CDH16: variants seen among roughly 807,000 people sequenced by gnomAD.
CDH16 encodes the protein cadherin 16, also known as cadherin-16.
CDH16 carries 79 observed loss-of-function variants against 87.6 expected under a neutral mutation model. That is an observed-to-expected ratio of 0.90 (90% CI 0.75 to 1.09). The LOEUF is 1.09. Among genes scored for constraint, CDH16 ranks in the 50% least tolerant of loss-of-function variants. CDH16 has a pLI of 0.00. For missense variants in CDH16, 1,124 were observed against 1,071.7 expected, an observed-to-expected ratio of 1.05 and a Z score of -0.68; for synonymous variants, 457 against 439.5, an observed-to-expected ratio of 1.04 and a Z score of -0.50.
intron 7 of CDH16, among the ~76,000 whole-genome samples, chr16:66,913,848 T>C (rs1184374044): frequency 6.6e-6 from 1 of 152,154 alleles, no homozygotes; most frequent in Admixed American, 6.5e-5. Flanking sequence ...GTTACTTTAT[T>C]TTCTGCCCTC....
chr16:66,912,935 G>A (rs1187494458), intron 9 of CDH16, 44 bp from the exon 10 acceptor site: 2 of 1,556,488 alleles, frequency 1.3e-6, no homozygotes, highest in Middle Eastern at 1.7e-4. Flanking sequence ...AGCCCAGCCT[G>A]GAGACCTTAC....
In CDH16 at chr16:66,909,920, G is replaced by T; in HGVS notation, c.2275+66C>A. 2 of 1,187,568 alleles carry T rather than the reference G, an allele frequency of 1.7e-6. No individual in the cohort carries two copies. The highest frequency in any genetic ancestry group is 2.4e-6 in the Non-Finnish European group (2 of 818,198). The allele number at this position is 1,187,568 out of a possible 1,614,324, so 73.6% of individuals were successfully genotyped here. On this transcript the variant is annotated intron_variant, in intron 16 of 17. Transcript: ENST00000299752. This position sits in a 1 kb window ranked among gnomAD's most constrained non-coding sequence, Gnocchi z 4.1. ...GAGCAGCCTGTATGCATGTGTACCA[G>T]CTCCCTCCCCTTGCATCCCAGCGGT...
rs368341038 is a variant in CDH16 at position 66,913,618 on chromosome 16, G to C, written c.781-5C>G. On this transcript the variant is annotated splice_polypyrimidine_tract_variant and splice_region_variant and intron_variant, in intron 7 of 17. Coordinates refer to ENST00000299752, the MANE Select transcript of CDH16 (RefSeq NM_004062.4). ...ATCACCCCCACTCCAGTGTACCTGG[G>C]GGGGACACCCCGGGCCAAGGGGCAG... 18 of 1,613,706 alleles carry C rather than the reference G, an allele frequency of 1.1e-5. No individual in the cohort carries two copies. The South Asian group carries it at 1.5e-4, about 14-fold the overall frequency.
In CDH16 at chr16:66,913,284, G is replaced by T; in HGVS notation, c.904-3C>A. 6.4e-7 allele frequency: 1 copy of T among 1,551,270 alleles called. No individual in the cohort carries two copies. Among genetic ancestry groups the T allele is most frequent in the South Asian group, 1.2e-5 (1 of 80,270 alleles). The stretch of plus-strand genomic sequence containing the variant: ...TGAGCCCGCACCTGGAGCAGGTACT[G>T]CGGTGGGCAGTAGGGGGCTTCAGGT... On this transcript the variant is annotated splice_polypyrimidine_tract_variant and splice_region_variant and intron_variant, in intron 8 of 17. Coordinates refer to ENST00000299752, the MANE Select transcript of CDH16 (RefSeq NM_004062.4).
At chr16:66,910,757 A>T (rs1226296795) in intron 14 of CDH16, 1 of 409,878 alleles carries the variant, frequency 2.4e-6, no homozygotes, top group East Asian at 3.8e-5. Flanking sequence ...GGGGCTCCCC[A>T]CCCCAGGGCC....
chr16:66,913,335 G>T lies in CDH16; in HGVS notation c.904-54C>A, dbSNP rs1962520614. ...CAGGACCAAGGGCAGCTCCAGCCTTGCCTGGCTCTGAGTTTCCTTCCGGTG... is the reference window on the plus strand; with the variant it reads ...CAGGACCAAGGGCAGCTCCAGCCTTTCCTGGCTCTGAGTTTCCTTCCGGTG... On this transcript the variant is annotated intron_variant, in intron 8 of 17. Coordinates refer to ENST00000299752, the MANE Select transcript of CDH16 (RefSeq NM_004062.4). The T allele has an allele frequency of 2.6e-6, 4 of 1,549,854 alleles. No individual in the cohort carries two copies. In the Admixed American group the frequency reaches 7.6e-5, roughly 29 times the overall value.
In CDH16 at chr16:66,918,807, C is replaced by A; in HGVS notation, c.-17G>T. 6.5e-6 allele frequency: 1 copy of A among 153,110 alleles called. No individual in the cohort carries two copies. 9.5% of individuals were successfully genotyped at this position (153,110 alleles called of 1,614,324 possible). On this transcript the variant is annotated 5_prime_UTR_variant, in exon 1 of 18. Coordinates refer to ENST00000299752, the MANE Select transcript of CDH16 (RefSeq NM_004062.4). Reference sequence around the variant, plus strand: ...CCCTCCACTCCCAGCCCCTCACCCTCCAGCGCCCAAGACTGGCTCCCTTGG... The same window carrying A: ...CCCTCCACTCCCAGCCCCTCACCCTACAGCGCCCAAGACTGGCTCCCTTGG...
Position 66,912,750 on chromosome 16 carries a change from C to T in CDH16, c.1196G>A (p.Ser399Asn). Reference sequence around the variant, plus strand: ...GAGTGGGAGCACCCCCAGCGTCACACTGCCTGAAGTGGGGTCCACCTGGAA... The same window carrying T: ...GAGTGGGAGCACCCCCAGCGTCACATTGCCTGAAGTGGGGTCCACCTGGAA... ...RAFQVDPTSG[S>N]VTLGVLPLRA... The change falls in exon 10 of 18, where the codon AGT becomes AAT. Residue 399 changes from serine to asparagine, a missense_variant. Coordinates refer to ENST00000299752, the MANE Select transcript of CDH16 (RefSeq NM_004062.4). 1 of 1,613,828 alleles carries T rather than the reference C, an allele frequency of 6.2e-7. No individual in the cohort carries two copies. The highest frequency in any genetic ancestry group is 8.5e-7 in the Non-Finnish European group (1 of 1,180,038).
rs2145441751 is a variant in CDH16, at chr16:66,908,476, G to A, written c.2406C>T (p.Ile802=). 2 of 1,613,980 alleles carry A rather than the reference G, an allele frequency of 1.2e-6. No homozygotes were observed. Among genetic ancestry groups the A allele is most frequent in the Non-Finnish European group, 1.7e-6 (2 of 1,179,868 alleles). The change falls in exon 18 of 18, where the codon ATC becomes ATT. Residue 802 remains isoleucine, a synonymous_variant. Coordinates refer to ENST00000299752, the MANE Select transcript of CDH16 (RefSeq NM_004062.4). ...ACATGGTCCAGTGGGTGAAAATGAGGATGAGGAAGATTCCTGTGGGGCCCA... is the reference window on the plus strand; with the variant it reads ...ACATGGTCCAGTGGGTGAAAATGAGAATGAGGAAGATTCCTGTGGGGCCCA... ...GTLVAIGIFL[I]LIFTHWTMSR...
chr16:66,914,529 C>G (rs984294602), intron 6 of CDH16, 117 bp from the exon 7 acceptor site: 2 of 722,518 alleles, frequency 2.8e-6, no homozygotes, highest in Middle Eastern at 3.9e-4. Flanking sequence ...GGGACACTCT[C>G]TTGGCCAAGG....
At chr16:66,911,158 G>T (rs375285751) in intron 14 of CDH16, 24 bp downstream of exon 14, 3 of 1,594,886 alleles carry the variant, frequency 1.9e-6, no homozygotes, top group African/African-American at 2.7e-5. Context: ...CCTCCCAGGG[G>T]CTCCCATCAC....
intron 12 of CDH16, 35 bp downstream of exon 12, chr16:66,912,207 G>A (rs1962454092): frequency 1.3e-6 from 2 of 1,599,878 alleles, no homozygotes; most frequent in South Asian, 2.2e-5. Context: ...ATGCGTGCAT[G>A]TGTGGGCCCC....
In CDH16 at chr16:66,916,581, T is replaced by A. The variant is rs1191749019; in HGVS notation, c.130-152A>T. 2 of 853,268 alleles carry A rather than the reference T, an allele frequency of 2.3e-6. No individual in the cohort carries two copies. Among genetic ancestry groups the A allele is most frequent in the Non-Finnish European group, 3.5e-6 (2 of 575,692 alleles). 52.9% of individuals were successfully genotyped at this position (853,268 alleles called of 1,614,324 possible). A position where few individuals can be genotyped will look rare whatever the true frequency, so the allele number is the denominator to read the frequency against. ...TCACACAGCCAGTAAGCATCAGGAC[T>A]GAGACTCAGAGCCAGAACTCTTTTC... On this transcript the variant is annotated intron_variant, in intron 3 of 17. Coordinates refer to ENST00000299752, the MANE Select transcript of CDH16 (RefSeq NM_004062.4). This position sits in a 1 kb window ranked among gnomAD's most constrained non-coding sequence, Gnocchi z 4.1.
rs201143983 is a variant in CDH16, at chr16:66,915,212, G to C, written c.583+8C>G. ...CCTCCCTCCCCAGCACACCCCGCTC[G>C]GGCTTACCCTTGGGGCTGAGGGCCA... On this transcript the variant is annotated splice_region_variant and intron_variant, in intron 6 of 17. Transcript: ENST00000299752. 1 of 1,600,698 alleles carries C rather than the reference G, an allele frequency of 6.2e-7. No homozygotes were observed. Among genetic ancestry groups the C allele is most frequent in the South Asian group, 1.1e-5 (1 of 90,084 alleles).
Position 66,915,391 on chromosome 16 carries a change from G to A in CDH16, c.425-13C>T, listed in dbSNP as rs1962634702. ...AGGAAGGGGATGCCTGGTTCACGGT[G>A]GGAGGGCAAACTGTAAGGGATAGAG... is the stretch of plus-strand genomic sequence containing the variant. On this transcript the variant is annotated splice_polypyrimidine_tract_variant and intron_variant, in intron 5 of 17. Transcript: ENST00000299752. 1 of 1,613,092 alleles carries A rather than the reference G, an allele frequency of 6.2e-7. No homozygotes were observed. Among genetic ancestry groups the A allele is most frequent in the East Asian group, 2.2e-5 (1 of 44,860 alleles).
chr16:66,916,088 C>G lies in CDH16; in HGVS notation c.401G>C (p.Arg134Pro). Residue 134 changes from arginine (R) to proline (P), a missense_variant, in exon 5 of 18, where the codon CGG becomes CCG. Physicochemically the swap from Arg to Pro is moderately radical, Grantham distance 103. Coordinates refer to ENST00000299752, the MANE Select transcript of CDH16 (RefSeq NM_004062.4). The surrounding 1 kb of genome is among the most constrained non-coding windows in gnomAD (Gnocchi z 4.1). ...ACCAGGCCTGGTACCCCGGCTCAGC[C>G]GAGCTCTGTAGATGGCTTGAGAGAA... ...PHFSQAIYRA[R>P]LSRGTRPGIP... 1 of 1,614,208 alleles carries G rather than the reference C, an allele frequency of 6.2e-7. No homozygotes were observed. The highest frequency in any genetic ancestry group is 8.5e-7 in the Non-Finnish European group (1 of 1,180,030).
chr16:66,917,909 C>T, intron 2 of CDH16, 112 bp downstream of exon 2: 1 of 1,087,756 alleles, frequency 9.2e-7, no homozygotes, highest in Non-Finnish European at 1.3e-6. Context: ...TGACCCCTCC[C>T]ATGCCTTGCA....
In CDH16 at chr16:66,913,175, G is replaced by A; in HGVS notation, c.1010C>T (p.Pro337Leu). 1 of 1,609,284 alleles carries A rather than the reference G, an allele frequency of 6.2e-7. No individual in the cohort carries two copies. The highest frequency in any genetic ancestry group is 8.5e-7 in the Non-Finnish European group (1 of 1,177,716). ...MDENDNVPIC[P>L]PRDPTVSIPE... is the part of the protein sequence containing the mutation. Reference sequence around the variant, plus strand: ...GATGCTGACTGTGGGGTCACGGGGAGGGCAGATAGGCACGTTGTCATTCTC... The same window carrying A: ...GATGCTGACTGTGGGGTCACGGGGAAGGCAGATAGGCACGTTGTCATTCTC... Residue 337 changes from proline (P) to leucine (L), a missense_variant, in exon 9 of 18, where the codon CCT becomes CTT. Coordinates refer to ENST00000299752, the MANE Select transcript of CDH16 (RefSeq NM_004062.4).
At position 66,912,412 on chromosome 16, in the gene CDH16, G is replaced by A. The variant is rs761583376; in HGVS notation, c.1378C>T (p.Pro460Ser). 9 of 1,614,004 alleles carry A rather than the reference G, an allele frequency of 5.6e-6. No homozygotes were observed. The South Asian group carries it at 7.7e-5, about 14-fold the overall frequency. ...ITSQIGPISL[P>S]EDVEPGTLVA... ...AGAGTCCCGGGCTCCACATCCTCAG[G>A]GAGGCTTATAGGCCCAATCTGGAGG... Residue 460 changes from proline (P) to serine (S), a missense_variant, in exon 12 of 18, where the codon CCT (proline) becomes TCT (serine). Pro to Ser is a moderately conservative substitution (Grantham distance 74). Coordinates refer to ENST00000299752, the MANE Select transcript of CDH16 (RefSeq NM_004062.4).
Sources: allele counts gnomAD v4.1 joint callset (sites outside exome capture counted in the v4.1 genomes callset), GRCh38; gene constraint gnomAD v4.1.1; non-coding constraint Gnocchi (gnomAD v3.1); transcripts MANE v1.5; gene names NCBI Gene and HGNC (gene_info 2026-07-23, HGNC 2026-07-21).